The following CPHXL variants were observed in gnomAD, a reference collection of about 807,000 sequenced individuals.
The protein encoded by CPHXL is cytoplasmic polyadenylated homeobox like.
At chr16:75,721,732 T>G (rs1959480152) in intron 1 of CPHXL, among the ~76,000 whole-genome samples, 1 of 152,180 alleles carries the variant, frequency 6.6e-6, no homozygotes, top group South Asian at 2.1e-4. Context: ...AGAATTGAAC[T>G]CAGCTCTGCA....
At chr16:75,720,837 G>T (rs933533717) in intron 1 of CPHXL, among the ~76,000 whole-genome samples, 1 of 152,124 alleles carries the variant, frequency 6.6e-6, no homozygotes, top group Non-Finnish European at 1.5e-5. Flanking sequence ...GAAAAAATGG[G>T]AAGGGCAGCC....
intron 2 of CPHXL, among the ~76,000 whole-genome samples, chr16:75,717,965 G>A (rs1350029331): frequency 2.0e-5 from 3 of 152,118 alleles, no homozygotes; most frequent in Non-Finnish European, 4.4e-5. Flanking sequence ...ACTCACGCTT[G>A]TAACCCCAGG....
intron 2 of CPHXL, 95 bp from the exon 3 acceptor site, chr16:75,715,317 C>T (rs549115948): frequency 7.5e-5 from 30 of 397,610 alleles, no homozygotes; most frequent in African/African-American, 6.0e-4. Flanking sequence ...TCTATTTAAG[C>T]CTCTTCCAAG....
At chr16:75,723,477 A>G (rs1959507469) in intron 1 of CPHXL, among the ~76,000 whole-genome samples, 1 of 152,244 alleles carries the variant, frequency 6.6e-6, no homozygotes. Flanking sequence ...AGAGAGCCAA[A>G]TCATGAGTGA....
At position 75,725,753 on chromosome 16, in the gene CPHXL, C is replaced by CTTTTTTTTTTTTTT. The variant is rs35659823; in HGVS notation, c.25+651_25+664dup. 2.8e-3 allele frequency among the ~76,000 whole-genome samples: 121 copies of CTTTTTTTTTTTTTT among 43,316 alleles called. 18 individuals are homozygous for CTTTTTTTTTTTTTT. In the East Asian group the frequency reaches 0.039, roughly 14 times the overall value. 28.4% of individuals were successfully genotyped at this position (43,316 alleles called of 152,430 possible). A position where few individuals can be genotyped will look rare whatever the true frequency, so the allele number is the denominator to read the frequency against. On this transcript the variant is annotated intron_variant, in intron 1 of 2. Coordinates refer to ENST00000640559, the MANE Select transcript of CPHXL (RefSeq NM_001355613.1). Reference sequence around the variant, plus strand: ...AGGAGTGAGCCACCGTGCCCGGCGTCTTTTTTTTTTTTTTTTTTTTTTTTT... The same window carrying CTTTTTTTTTTTTTT: ...AGGAGTGAGCCACCGTGCCCGGCGTCTTTTTTTTTTTTTTTTTTTTTTTTTTTTTTTTTTTTTTT...
chr16:75,716,664 T>C (rs967304725), intron 2 of CPHXL, among the ~76,000 whole-genome samples: 4 of 152,310 alleles, frequency 2.6e-5, no homozygotes, highest in South Asian at 2.1e-4. Flanking sequence ...TGTATGGTCA[T>C]GATTGATTAA....
chr16:75,719,465 C>A (rs62058720), intron 1 of CPHXL, among the ~76,000 whole-genome samples: 4,002 of 152,250 alleles, frequency 0.026, 56 homozygotes, highest in Non-Finnish European at 0.04. Flanking sequence ...TATGCTGCGC[C>A]TGGCTCAGAG....
chr16:75,720,519 G>A (rs929338845), intron 1 of CPHXL, among the ~76,000 whole-genome samples: 6 of 152,014 alleles, frequency 3.9e-5, no homozygotes, highest in Non-Finnish European at 8.8e-5. Context: ...GAAGATCAAA[G>A]GAATGCAATG....
In CPHXL at chr16:75,715,081, C is replaced by T. The variant is rs1356482507; in HGVS notation, c.361G>A (p.Ala121Thr). 4 of 398,736 alleles carry T rather than the reference C, an allele frequency of 1.0e-5. No homozygotes were observed. The highest frequency in any genetic ancestry group is 1.8e-5 in the Non-Finnish European group (4 of 226,142). The allele number at this position is 398,736 out of a possible 1,614,324, so 24.7% of individuals were successfully genotyped here. ...GCACCAGAGAGGCTCTGCTTGGTGG[C>T]ATAGTTGTGAGCTGCAGCCTGGGTC... is the stretch of plus-strand genomic sequence containing the variant. ...QETQAAAHNY[A>T]TKQSLSGAQR... Residue 121 changes from alanine (A) to threonine (T), a missense_variant, in exon 3 of 3, where the codon GCC becomes ACC. By Grantham distance (58) the Ala-to-Thr change is moderately conservative (BLOSUM62 0). Transcript: ENST00000640559.
intron 1 of CPHXL, among the ~76,000 whole-genome samples, chr16:75,722,516 T>C (rs567148175): frequency 6.6e-6 from 1 of 152,240 alleles, no homozygotes; most frequent in Admixed American, 6.5e-5. Context: ...AAGAAATGGA[T>C]AAATTCCTAG....
chr16:75,718,293 T>G lies in CPHXL; in HGVS notation c.191A>C (p.Lys64Thr), dbSNP rs1597220165. ...DYTTRKTLAI[K>T]FDCPVNVIDN... Reference sequence around the variant, plus strand: ...TATCACATTTACCGGACAATCAAATTTGATGGCCAGTGTTTTCCTAGTTGT... The same window carrying G: ...TATCACATTTACCGGACAATCAAATGTGATGGCCAGTGTTTTCCTAGTTGT... Residue 64 changes from lysine to threonine, a missense_variant, in exon 2 of 3, where the codon AAA becomes ACA. Lys to Thr is a moderately conservative substitution (Grantham distance 78). Transcript: ENST00000640559. 1 of 398,844 alleles carries G rather than the reference T, an allele frequency of 2.5e-6. No individual in the cohort carries two copies. The allele number at this position is 398,844 out of a possible 1,614,324, so 24.7% of individuals were successfully genotyped here.
intron 1 of CPHXL, 30 bp downstream of exon 1, chr16:75,726,388 T>C (rs1037673237): frequency 2.5e-6 from 1 of 398,590 alleles, no homozygotes. Context: ...GGAAGTAGCA[T>C]TGTAAGAGAA....
intron 1 of CPHXL, among the ~76,000 whole-genome samples, chr16:75,725,523 G>A (rs1567530443): frequency 6.6e-6 from 1 of 151,256 alleles, no homozygotes; most frequent in African/African-American, 2.4e-5. Flanking sequence ...CACCATCTCG[G>A]CTCACTGCAA....
chr16:75,717,587 T>G (rs955256235), intron 2 of CPHXL, among the ~76,000 whole-genome samples: 44 of 152,240 alleles, frequency 2.9e-4, no homozygotes, highest in African/African-American at 1.0e-3. Context: ...TTTGTATCAT[T>G]TTAAAATTTT....
At chr16:75,715,268 A>G (rs1321008252) in intron 2 of CPHXL, 46 bp from the exon 3 acceptor site, 7 of 398,446 alleles carry the variant, frequency 1.8e-5, no homozygotes, top group African/African-American at 1.2e-4. Flanking sequence ...ACTTATCTGA[A>G]TATATTCTTA....
intron 1 of CPHXL, among the ~76,000 whole-genome samples, chr16:75,719,815 T>C (rs1381560279): frequency 6.6e-6 from 1 of 151,938 alleles, no homozygotes; most frequent in Non-Finnish European, 1.5e-5. Context: ...CTCAAGTGGG[T>C]CCCTGACCCC....
intron 1 of CPHXL, among the ~76,000 whole-genome samples, chr16:75,726,214 T>G (rs1326893453): frequency 6.6e-6 from 1 of 152,188 alleles, no homozygotes; most frequent in African/African-American, 2.4e-5. Flanking sequence ...GATCCTTGTA[T>G]GGGACTCACG....
intron 1 of CPHXL, among the ~76,000 whole-genome samples, chr16:75,725,042 G>T: frequency 6.6e-6 from 1 of 151,334 alleles, no homozygotes; most frequent in Non-Finnish European, 1.5e-5. Context: ...ACCAAACACC[G>T]CTTGTTCTCA....
At position 75,714,448 on chromosome 16, in the gene CPHXL, C is replaced by A; in HGVS notation, c.994G>T (p.Glu332Ter). The A allele has an allele frequency of 2.5e-6, 1 of 398,640 alleles. No homozygotes were observed. Among genetic ancestry groups the A allele is most frequent in the East Asian group, 3.6e-5 (1 of 28,076 alleles). The allele number at this position is 398,640 out of a possible 1,614,324, so 24.7% of individuals were successfully genotyped here. A position where few individuals can be genotyped will look rare whatever the true frequency, so the allele number is the denominator to read the frequency against. The part of the protein sequence containing the change: ...QNYLEGMMLQ[E>*]QLPMDSGPWD... Reference sequence around the variant, plus strand: ...GGACCCGAGTCCATTGGGAGCTGTTCCTGCAACATCATCCCCTCTAAGTAA... The same window carrying A: ...GGACCCGAGTCCATTGGGAGCTGTTACTGCAACATCATCCCCTCTAAGTAA... The change falls in exon 3 of 3, where the codon GAA (glutamate) becomes TAA (stop). Residue 332 changes from glutamate (E) to a stop codon, truncating the protein, a stop_gained. Coordinates refer to ENST00000640559, the MANE Select transcript of CPHXL (RefSeq NM_001355613.1). LOFTEE classifies it low-confidence loss of function (END_TRUNC).
Sources: allele counts gnomAD v4.1 joint callset (sites outside exome capture counted in the v4.1 genomes callset), GRCh38; gene constraint gnomAD v4.1.1; transcripts MANE v1.5; gene names NCBI Gene and HGNC (gene_info 2026-07-23, HGNC 2026-07-21).